ERBB4: variants seen among roughly 807,000 people sequenced by gnomAD.
ERBB4 encodes receptor tyrosine-protein kinase erbB-4.
A neutral mutation model predicts 158.0 loss-of-function variants in ERBB4; 42 were observed. The ratio of observed to expected loss-of-function variants is 0.27; its 90% CI spans 0.21 to 0.34. The LOEUF (loss-of-function observed/expected upper bound fraction) is 0.34. ERBB4 is among the 10% of genes least tolerant of loss of function. ERBB4 has a pLI of 1.00. For synonymous variants in ERBB4, 583 were observed against 558.7 expected, an observed-to-expected ratio of 1.04 and a Z score of -0.61; for missense variants, 1,333 against 1,624.1, an observed-to-expected ratio of 0.82 and a Z score of 3.08.
At chr2:211,526,726 ATAACT>A (rs1383349440) in intron 20 of ERBB4, among the ~76,000 whole-genome samples, 3 of 152,058 alleles carry the variant, frequency 2.0e-5, no homozygotes, top group Admixed American at 6.5e-5. Context: ...ATTCTATCAG[ATAACT>A]TAAACAAAGA....
intron 20 of ERBB4, among the ~76,000 whole-genome samples, chr2:211,443,761 A>G (rs954971426): frequency 6.6e-6 from 1 of 152,074 alleles, no homozygotes; most frequent in East Asian, 1.9e-4. Context: ...TCAGTCTGCC[A>G]ATATCTTCAT....
chr2:212,131,928 T>C (rs11889719), intron 1 of ERBB4, among the ~76,000 whole-genome samples: 13,158 of 152,224 alleles, frequency 0.086, 1,199 homozygotes, highest in African/African-American at 0.23. Context: ...ATACCAGCTA[T>C]GATCATGTGA....
At chr2:212,497,263 A>G (rs1690636148) in intron 1 of ERBB4, among the ~76,000 whole-genome samples, 1 of 151,988 alleles carries the variant, frequency 6.6e-6, no homozygotes, top group Non-Finnish European at 1.5e-5. Flanking sequence ...TTTGAATACT[A>G]ATTTTTATTT....
At chr2:211,878,532 A>G (rs549488925) in intron 3 of ERBB4, among the ~76,000 whole-genome samples, 1 of 152,186 alleles carries the variant, frequency 6.6e-6, no homozygotes, top group Non-Finnish European at 1.5e-5. Context: ...TTAATAATAC[A>G]TGTAGGTATT....
At chr2:211,580,243 C>A (rs1049032696) in intron 19 of ERBB4, among the ~76,000 whole-genome samples, 1 of 152,104 alleles carries the variant, frequency 6.6e-6, no homozygotes, top group South Asian at 2.1e-4. Context: ...ACAATCTATA[C>A]ATCTGACAGA....
chr2:212,404,353 G>A (rs540636427), intron 1 of ERBB4, among the ~76,000 whole-genome samples: 603 of 152,048 alleles, frequency 4.0e-3, no homozygotes, highest in Middle Eastern at 0.01. Flanking sequence ...ACCCCAGGCA[G>A]AAGTAATCAC....
At chr2:211,651,030 G>C (rs538873339) in intron 16 of ERBB4, among the ~76,000 whole-genome samples, 35 of 152,206 alleles carry the variant, frequency 2.3e-4, no homozygotes, top group Non-Finnish European at 4.0e-4. Flanking sequence ...TTAATGAAAA[G>C]GCCACAAATT....
chr2:211,580,837 T>TATA (rs376463638), intron 19 of ERBB4, among the ~76,000 whole-genome samples: 26 of 69,312 alleles, frequency 3.8e-4, no homozygotes, highest in Admixed American at 8.9e-4. Flanking sequence ...TATATATAGA[T>TATA]TATATATTAT....
At chr2:212,405,246 A>C (rs1175279224) in intron 1 of ERBB4, among the ~76,000 whole-genome samples, 4 of 152,128 alleles carry the variant, frequency 2.6e-5, no homozygotes, top group African/African-American at 9.6e-5. Flanking sequence ...AAAATTTGAT[A>C]TCACTTATTA....
chr2:212,053,947 ACTCTTC>A (rs2077477077), intron 2 of ERBB4, among the ~76,000 whole-genome samples: 1 of 152,086 alleles, frequency 6.6e-6, no homozygotes, highest in African/African-American at 2.4e-5. Flanking sequence ...ATTAAAAGTC[ACTCTTC>A]CCCATTAGTA....
chr2:211,872,397 C>T (rs1203990490), intron 3 of ERBB4, among the ~76,000 whole-genome samples: 1 of 152,084 alleles, frequency 6.6e-6, no homozygotes, highest in Non-Finnish European at 1.5e-5. Context: ...GAAGCCTATG[C>T]AAATGTCAGC....
chr2:211,624,470 G>C (rs951287734), intron 17 of ERBB4, among the ~76,000 whole-genome samples: 1 of 152,116 alleles, frequency 6.6e-6, no homozygotes, highest in African/African-American at 2.4e-5. Context: ...GTGTATATCT[G>C]AATTACCTCA....
chr2:211,755,433 C>T (rs542571548), intron 4 of ERBB4, among the ~76,000 whole-genome samples: 41 of 152,122 alleles, frequency 2.7e-4, no homozygotes, highest in African/African-American at 9.4e-4. Flanking sequence ...ACCTGGGAGG[C>T]GAAGGTTGCA....
intron 20 of ERBB4, among the ~76,000 whole-genome samples, chr2:211,477,390 T>C (rs79429332): frequency 0.037 from 5,704 of 152,202 alleles, 337 homozygotes; most frequent in African/African-American, 0.13. Context: ...GTTGGTTTTG[T>C]TTCTCTGGAG....
At chr2:211,680,082 C>T (rs1574974037) in intron 12 of ERBB4, among the ~76,000 whole-genome samples, 2 of 152,176 alleles carry the variant, frequency 1.3e-5, no homozygotes, top group African/African-American at 4.8e-5. Flanking sequence ...GAATATTCAG[C>T]AAATTACAGT....
intron 5 of ERBB4, among the ~76,000 whole-genome samples, chr2:211,734,726 C>G (rs1223415116): frequency 1.3e-5 from 2 of 150,754 alleles, no homozygotes; most frequent in African/African-American, 4.9e-5. Context: ...CGAGACCATC[C>G]TGGCTAACAT....
intron 1 of ERBB4, among the ~76,000 whole-genome samples, chr2:212,152,923 G>A (rs2080917505): frequency 6.6e-6 from 1 of 152,080 alleles, no homozygotes; most frequent in Non-Finnish European, 1.5e-5. Context: ...GCATTAAGAG[G>A]CATCACATGT....
At chr2:212,122,218 T>G (rs1208127296) in intron 2 of ERBB4, among the ~76,000 whole-genome samples, 3 of 151,938 alleles carry the variant, frequency 2.0e-5, no homozygotes, top group Non-Finnish European at 4.4e-5. Flanking sequence ...ATATTACATA[T>G]CTGTCATCCT....
At chr2:211,937,810 T>C (rs765123900) in intron 3 of ERBB4, among the ~76,000 whole-genome samples, 3 of 152,126 alleles carry the variant, frequency 2.0e-5, no homozygotes, top group Non-Finnish European at 4.4e-5. Context: ...TTACGGGAAC[T>C]ACAAATTCAA....
Sources: allele counts gnomAD v4.1 joint callset (sites outside exome capture counted in the v4.1 genomes callset), GRCh38; gene constraint gnomAD v4.1.1; transcripts MANE v1.5; gene names NCBI Gene and HGNC (gene_info 2026-07-23, HGNC 2026-07-21).